Variants in ALOX5AP observed in about 807,000 individuals in gnomAD.
The protein encoded by ALOX5AP is arachidonate 5-lipoxygenase-activating protein.
In ALOX5AP, 9 loss-of-function variants were observed where a neutral mutation model predicts 18.5. The observed-to-expected ratio is 0.49, with a 90% CI of 0.29 to 0.85. The LOEUF (loss-of-function observed/expected upper bound fraction) is 0.85, where lower values mean the gene tolerates loss of function less well. Ranked by LOEUF, ALOX5AP falls within the 40% of genes least tolerant of loss-of-function variation. The pLI is 0.08. For missense variants in ALOX5AP, 172 were observed against 202.5 expected, an observed-to-expected ratio of 0.85 and a Z score of 0.91; for synonymous variants, 81 against 78.6, an observed-to-expected ratio of 1.03 and a Z score of -0.16.
chr13:30,723,009 A>G (rs1359972722), intron 1 of ALOX5AP, among the ~76,000 whole-genome samples: 5 of 152,192 alleles, frequency 3.3e-5, no homozygotes, highest in Admixed American at 6.5e-5. Flanking sequence ...TCTTTTCTTT[A>G]TAATTATCCA....
At chr13:30,731,598 G>C (rs1437124834), upstream of ALOX5AP, among the ~76,000 whole-genome samples, 1 of 152,128 alleles carries the variant, frequency 6.6e-6, no homozygotes, top group Non-Finnish European at 1.5e-5. Flanking sequence ...CCAACTCCTG[G>C]ACTCAAGCCA....
chr13:30,744,862 T>G (rs994511767), intron 2 of ALOX5AP, among the ~76,000 whole-genome samples: 1 of 152,328 alleles, frequency 6.6e-6, no homozygotes, highest in East Asian at 1.9e-4. Flanking sequence ...CTGGGGACTA[T>G]GGACTACGGA....
chr13:30,749,199 G>A (rs902377436), intron 2 of ALOX5AP, among the ~76,000 whole-genome samples: 2 of 152,162 alleles, frequency 1.3e-5, no homozygotes, highest in African/African-American at 2.4e-5. Context: ...GGTTGAATAC[G>A]GACCCAATGT....
At chr13:30,727,447 C>A (rs1951647948) in intron 1 of ALOX5AP, among the ~76,000 whole-genome samples, 1 of 152,120 alleles carries the variant, frequency 6.6e-6, no homozygotes, top group Admixed American at 6.5e-5. Flanking sequence ...TGTCAGTGGG[C>A]CTACGCTGGA....
chr13:30,717,705 C>G (rs1480932865), intron 1 of ALOX5AP, among the ~76,000 whole-genome samples: 2 of 152,226 alleles, frequency 1.3e-5, no homozygotes, highest in Non-Finnish European at 2.9e-5. Context: ...GTGCACCACC[C>G]TCTCAGTACA....
At chr13:30,750,932 A>G (rs2137821607) in intron 2 of ALOX5AP, among the ~76,000 whole-genome samples, 1 of 152,368 alleles carries the variant, frequency 6.6e-6, no homozygotes, top group East Asian at 1.9e-4. Context: ...GGTGACCTCT[A>G]GAAGCTGGAG....
At chr13:30,724,533 G>A (rs969573396) in intron 1 of ALOX5AP, among the ~76,000 whole-genome samples, 3 of 152,194 alleles carry the variant, frequency 2.0e-5, no homozygotes, top group African/African-American at 7.2e-5. Context: ...TAAAGTGGCT[G>A]TGATGGAAAA....
At chr13:30,718,887 G>A (rs959702073) in intron 1 of ALOX5AP, among the ~76,000 whole-genome samples, 1 of 152,222 alleles carries the variant, frequency 6.6e-6, no homozygotes, top group Non-Finnish European at 1.5e-5. Context: ...GTGGGCACAT[G>A]CCTTACAGTC....
intron 4 of ALOX5AP, among the ~76,000 whole-genome samples, chr13:30,760,245 A>G (rs9508834): frequency 0.23 from 33,272 of 141,802 alleles, 3,757 homozygotes; most frequent in South Asian, 0.32. Flanking sequence ...CACATTAAGA[A>G]CCTGGGGTGG....
At chr13:30,729,576 ATTT>A (rs10655622) in intron 1 of ALOX5AP, among the ~76,000 whole-genome samples, 7 of 137,624 alleles carry the variant, frequency 5.1e-5, no homozygotes, top group Admixed American at 7.4e-5. Context: ...TCTAACCTGT[ATTT>A]TTTTTTTTTT....
chr13:30,750,174 G>T (rs9741436), intron 2 of ALOX5AP, among the ~76,000 whole-genome samples: 10,338 of 152,174 alleles, frequency 0.068, 496 homozygotes, highest in African/African-American at 0.13. Flanking sequence ...GGTCCCGAGA[G>T]CATGCCTGGA....
intron 1 of ALOX5AP, among the ~76,000 whole-genome samples, chr13:30,721,276 TCAAA>T (rs961714650): frequency 6.6e-6 from 1 of 152,182 alleles, no homozygotes; most frequent in African/African-American, 2.4e-5. Context: ...ATGGTGCTTA[TCAAA>T]CATTTACTCA....
chr13:30,718,754 C>T (rs1043882808), intron 1 of ALOX5AP, among the ~76,000 whole-genome samples: 2 of 152,194 alleles, frequency 1.3e-5, no homozygotes, highest in Admixed American at 6.5e-5. Context: ...CCCTAGCTGC[C>T]CAATGCAGCT....
chr13:30,726,934 A>G (rs1472988649), intron 1 of ALOX5AP, among the ~76,000 whole-genome samples: 1 of 152,202 alleles, frequency 6.6e-6, no homozygotes, highest in Non-Finnish European at 1.5e-5. Flanking sequence ...CAAGATATCA[A>G]AAAGGGAATG....
chr13:30,713,978 A>G, intron 1 of ALOX5AP: 1 of 906,560 alleles, frequency 1.1e-6, no homozygotes, highest in Non-Finnish European at 1.6e-6. Context: ...GGGCAGCTAG[A>G]GTGGCCCCAG....
intron 3 of ALOX5AP, among the ~76,000 whole-genome samples, chr13:30,752,591 G>A (rs769408391): frequency 6.6e-6 from 1 of 152,222 alleles, no homozygotes; most frequent in Non-Finnish European, 1.5e-5. Context: ...GCAGCCCACA[G>A]GCTTGACTTG....
intron 4 of ALOX5AP, among the ~76,000 whole-genome samples, chr13:30,760,819 T>C (rs553238413): frequency 3.3e-4 from 50 of 152,338 alleles, no homozygotes; most frequent in East Asian, 5.8e-4. Flanking sequence ...AGATGCTTAA[T>C]AATTTAATTC....
chr13:30,762,314 C>T (rs1412583510), intron 4 of ALOX5AP, among the ~76,000 whole-genome samples: 4 of 152,094 alleles, frequency 2.6e-5, no homozygotes, highest in Admixed American at 1.3e-4. Context: ...GTTGGCTGGG[C>T]GTGGTGGCTC....
Position 30,752,142 on chromosome 13 carries a change from G to T in ALOX5AP, c.241+20G>T. 6.2e-7 allele frequency: 1 copy of T among 1,611,358 alleles called. No individual in the cohort carries two copies. The highest frequency in any genetic ancestry group is 8.5e-7 in the Non-Finnish European group (1 of 1,177,484). On this transcript the variant is annotated intron_variant, in intron 3 of 4. Coordinates refer to ENST00000380490, the MANE Select transcript of ALOX5AP (RefSeq NM_001629.4). Reference sequence around the variant, plus strand: ...GCCAAGGTAACTCAGACTTCCCTTTGTTCATTCTCCTTCTATAAAGTGCAT... The same window carrying T: ...GCCAAGGTAACTCAGACTTCCCTTTTTTCATTCTCCTTCTATAAAGTGCAT...
Sources: allele counts gnomAD v4.1 joint callset (sites outside exome capture counted in the v4.1 genomes callset), GRCh38; gene constraint gnomAD v4.1.1; transcripts MANE v1.5; gene names NCBI Gene and HGNC (gene_info 2026-07-23, HGNC 2026-07-21).